RPS6KC1: variants seen among roughly 807,000 people sequenced by gnomAD.
RPS6KC1 encodes the protein ribosomal protein S6 kinase C1.
RPS6KC1 carries 54 observed loss-of-function variants against 103.8 expected under a neutral mutation model. The observed-to-expected ratio is 0.52, with a 90% CI of 0.42 to 0.65. The LOEUF (loss-of-function observed/expected upper bound fraction) is 0.65. RPS6KC1 is among the 30% of genes least tolerant of loss of function. The pLI, the probability that RPS6KC1 is intolerant of heterozygous loss-of-function variation, is 0.00. For synonymous variants in RPS6KC1, 439 were observed against 438.7 expected (o/e 1.00, Z -0.01); for missense variants, 1,151 against 1,253.8 (o/e 0.92, Z 1.24).
At chr1:213,267,110 A>G (rs1195316372) in intron 14 of RPS6KC1, among the ~76,000 whole-genome samples, 1 of 151,854 alleles carries the variant, frequency 6.6e-6, no homozygotes, top group East Asian at 1.9e-4. Context: ...GAGTGGGCCC[A>G]GCAGAAAGTA....
the RPS6KC1 span, among the ~76,000 whole-genome samples, chr1:213,483,904 T>C: frequency 6.6e-6 from 1 of 152,186 alleles, no homozygotes; most frequent in East Asian, 1.9e-4. Context: ...TTTCCTCAGG[T>C]GTGGTGAGAC....
the RPS6KC1 span, among the ~76,000 whole-genome samples, chr1:213,368,523 A>G: frequency 6.6e-6 from 1 of 152,142 alleles, no homozygotes; most frequent in African/African-American, 2.4e-5. Context: ...AGGGGAGGAG[A>G]TGGGAAGGCA....
At chr1:213,811,646 A>G in the RPS6KC1 span, among the ~76,000 whole-genome samples, 2 of 152,200 alleles carry the variant, frequency 1.3e-5, no homozygotes, top group Admixed American at 1.3e-4. Flanking sequence ...AAGAGCCTCA[A>G]TGGGCAGAAA....
chr1:213,530,491 T>G, the RPS6KC1 span, among the ~76,000 whole-genome samples: 1 of 151,786 alleles, frequency 6.6e-6, no homozygotes, highest in Admixed American at 6.6e-5. Context: ...GGGCCTCCAC[T>G]GATGTAGCTC....
the RPS6KC1 span, among the ~76,000 whole-genome samples, chr1:213,593,696 T>C: frequency 6.6e-6 from 1 of 151,682 alleles, no homozygotes; most frequent in Admixed American, 6.6e-5. Flanking sequence ...AGCGAAGGTC[T>C]GTGGTAGGAA....
chr1:213,827,844 G>C, the RPS6KC1 span, among the ~76,000 whole-genome samples: 1 of 152,032 alleles, frequency 6.6e-6, no homozygotes, highest in Non-Finnish European at 1.5e-5. Context: ...TAGAGTCCCA[G>C]GTCATTCTTT....
At chr1:213,239,114 A>G (rs188221663) in intron 10 of RPS6KC1, among the ~76,000 whole-genome samples, 180 of 152,326 alleles carry the variant, frequency 1.2e-3, no homozygotes, top group African/African-American at 3.2e-3. Flanking sequence ...TAAGAAAAAA[A>G]TGAGAGGAAA....
chr1:213,363,383 G>C, the RPS6KC1 span, among the ~76,000 whole-genome samples: 1 of 152,196 alleles, frequency 6.6e-6, no homozygotes, highest in African/African-American at 2.4e-5. Flanking sequence ...TTAGAACATA[G>C]TCTAGTGCTG....
the RPS6KC1 span, among the ~76,000 whole-genome samples, chr1:213,555,330 G>A: frequency 6.6e-6 from 1 of 152,244 alleles, no homozygotes; most frequent in Non-Finnish European, 1.5e-5. Context: ...AGCAAGGGAA[G>A]CACATGGTAG....
intron 8 of RPS6KC1, among the ~76,000 whole-genome samples, chr1:213,225,004 G>A (rs180949713): frequency 6.6e-6 from 1 of 151,390 alleles, no homozygotes; most frequent in East Asian, 2.0e-4. Context: ...GCTCTTGTTA[G>A]CAGGAGTGCT....
the RPS6KC1 span, among the ~76,000 whole-genome samples, chr1:213,338,565 T>G: frequency 6.6e-6 from 1 of 152,216 alleles, no homozygotes; most frequent in East Asian, 1.9e-4. Flanking sequence ...TATCGACTAA[T>G]TGAAGAATTA....
At chr1:213,157,774 CA>C (rs1558442500) in intron 6 of RPS6KC1, among the ~76,000 whole-genome samples, 1 of 152,142 alleles carries the variant, frequency 6.6e-6, no homozygotes, top group Non-Finnish European at 1.5e-5. Context: ...ATTATTGAGA[CA>C]TATCTGATGA....
chr1:213,551,052 A>G, the RPS6KC1 span, among the ~76,000 whole-genome samples: 3 of 152,274 alleles, frequency 2.0e-5, no homozygotes, highest in African/African-American at 7.2e-5. Context: ...GGCAGCAAAC[A>G]ACCCTAAACC....
At chr1:213,477,568 T>G in the RPS6KC1 span, among the ~76,000 whole-genome samples, 1 of 152,220 alleles carries the variant, frequency 6.6e-6, no homozygotes, top group Non-Finnish European at 1.5e-5. Context: ...AATTTGTAGT[T>G]ACTGATCTAT....
intron 6 of RPS6KC1, among the ~76,000 whole-genome samples, chr1:213,136,827 A>G (rs1287775105): frequency 6.6e-6 from 1 of 152,098 alleles, no homozygotes; most frequent in Non-Finnish European, 1.5e-5. Context: ...TATTATTCTG[A>G]TCTTTAACAG....
the RPS6KC1 span, among the ~76,000 whole-genome samples, chr1:213,496,094 AC>A: frequency 6.6e-6 from 1 of 152,210 alleles, no homozygotes; most frequent in East Asian, 1.9e-4. Flanking sequence ...GTTGAAAAAA[AC>A]ATAAAGGTAA....
the RPS6KC1 span, among the ~76,000 whole-genome samples, chr1:213,486,819 C>T: frequency 2.0e-5 from 3 of 152,050 alleles, no homozygotes; most frequent in African/African-American, 4.8e-5. Flanking sequence ...GCTTACAAAG[C>T]GTGAGAAACA....
chr1:213,301,160 C>G, the RPS6KC1 span, among the ~76,000 whole-genome samples: 1 of 152,170 alleles, frequency 6.6e-6, no homozygotes, highest in Non-Finnish European at 1.5e-5. Context: ...CATCTGTTGT[C>G]TGCTGTCTTC....
the RPS6KC1 span, among the ~76,000 whole-genome samples, chr1:213,763,261 C>T: frequency 9.9e-5 from 15 of 152,212 alleles, no homozygotes; most frequent in East Asian, 9.6e-4. Context: ...AACCAAACGA[C>T]GAGAGTCCCT....
Sources: allele counts gnomAD v4.1 joint callset (sites outside exome capture counted in the v4.1 genomes callset), GRCh38; gene constraint gnomAD v4.1.1; transcripts MANE v1.5; gene names NCBI Gene and HGNC (gene_info 2026-07-23, HGNC 2026-07-21).